Variants in KLHL29 observed in about 807,000 individuals in gnomAD.
KLHL29 encodes kelch like family member 29.
KLHL29 carries 21 observed loss-of-function variants against 80.4 expected under a neutral mutation model. The observed-to-expected ratio is 0.26, with a 90% CI of 0.19 to 0.38. The LOEUF (loss-of-function observed/expected upper bound fraction) is 0.38, where lower values mean the gene tolerates loss of function less well. Ranked by LOEUF, KLHL29 falls within the 10% of genes least tolerant of loss-of-function variation. The pLI is 1.00. For synonymous variants in KLHL29, 511 were observed against 526.8 expected (o/e 0.97, Z 0.41); for missense variants, 867 against 1,223.9 (o/e 0.71, Z 4.35).
At chr2:23,611,036 G>A (rs1032200768) in intron 3 of KLHL29, among the ~76,000 whole-genome samples, 3 of 151,994 alleles carry the variant, frequency 2.0e-5, no homozygotes, top group Non-Finnish European at 4.4e-5. Flanking sequence ...TATGTTAGAT[G>A]GTAATAAGTG....
At chr2:23,705,478 A>T (rs1019260054) in intron 13 of KLHL29, among the ~76,000 whole-genome samples, 3 of 151,774 alleles carry the variant, frequency 2.0e-5, no homozygotes, top group African/African-American at 7.3e-5. Context: ...GTGACAGAGT[A>T]TGACTCCGTC....
intron 3 of KLHL29, among the ~76,000 whole-genome samples, chr2:23,587,262 A>G (rs1668144628): frequency 1.4e-5 from 2 of 138,360 alleles, no homozygotes; most frequent in Admixed American, 7.1e-5. Context: ...TTTTTTGGAC[A>G]TTTTGCTTTT....
In KLHL29 at chr2:23,682,089, A is replaced by G. The variant is rs560436671; in HGVS notation, c.941-2310A>G. Among the ~76,000 whole-genome samples, 5 of 150,656 alleles carry G rather than the reference A, an allele frequency of 3.3e-5. No homozygotes were observed. Among genetic ancestry groups the G allele is most frequent in the African/African-American group, 1.2e-4 (5 of 40,882 alleles). Reference sequence around the variant, plus strand: ...TGTCCCACCACCATCCCCTCCAAAAACCTGTTAGTGGTCTCCATGCCTCCC... The same window carrying G: ...TGTCCCACCACCATCCCCTCCAAAAGCCTGTTAGTGGTCTCCATGCCTCCC... On this transcript the variant is annotated intron_variant, in intron 5 of 13. Coordinates refer to ENST00000486442, the MANE Select transcript of KLHL29 (RefSeq NM_052920.2). This position sits in a 1 kb window ranked among gnomAD's most constrained non-coding sequence, Gnocchi z 4.1.
intron 3 of KLHL29, among the ~76,000 whole-genome samples, chr2:23,627,313 C>T (rs1036356535): frequency 6.6e-6 from 1 of 152,232 alleles, no homozygotes; most frequent in African/African-American, 2.4e-5. Flanking sequence ...AACACCACGC[C>T]CTCAGGATCC....
intron 3 of KLHL29, among the ~76,000 whole-genome samples, chr2:23,626,246 T>TGACAGGAGG (rs1669305934): frequency 6.6e-6 from 1 of 152,202 alleles, no homozygotes; most frequent in South Asian, 2.1e-4. Context: ...GCCACTGATC[T>TGACAGGAGG]GACAGGAGGC....
chr2:23,526,959 C>T (rs1666344779), intron 2 of KLHL29, among the ~76,000 whole-genome samples: 1 of 152,152 alleles, frequency 6.6e-6, no homozygotes, highest in African/African-American at 2.4e-5. Context: ...CGCAGGGTTT[C>T]GTGCTCGGGG....
At chr2:23,638,186 C>A (rs1669670633) in intron 3 of KLHL29, among the ~76,000 whole-genome samples, 1 of 151,036 alleles carries the variant, frequency 6.6e-6, no homozygotes, top group Non-Finnish European at 1.5e-5. Flanking sequence ...ACATTTTGGT[C>A]ATTTCCCTCC....
rs926865389 is a variant in KLHL29, at chr2:23,682,216, G to A, written c.941-2183G>A. 1.3e-4 allele frequency among the ~76,000 whole-genome samples: 20 copies of A among 152,074 alleles called. No homozygotes were observed. The highest frequency in any genetic ancestry group is 8.5e-4 in the Admixed American group (13 of 15,270). ...ATTCCGGCCTTCTCACCTCTCCCTC[G>A]GAAAGACCGTCACCATCAGCAGCAC... is the stretch of plus-strand genomic sequence containing the variant. On this transcript the variant is annotated intron_variant, in intron 5 of 13. Coordinates refer to ENST00000486442, the MANE Select transcript of KLHL29 (RefSeq NM_052920.2). This position sits in a 1 kb window ranked among gnomAD's most constrained non-coding sequence, Gnocchi z 4.1.
intron 3 of KLHL29, among the ~76,000 whole-genome samples, chr2:23,566,514 C>T (rs141374138): frequency 1.4e-4 from 21 of 152,352 alleles, no homozygotes; most frequent in African/African-American, 4.8e-4. Context: ...ATCTGCTCAT[C>T]CACCCAGCTG....
chr2:23,579,497 CATGACTCTTCCCTCCCTCGCCAT>C (rs1460637647), intron 3 of KLHL29, among the ~76,000 whole-genome samples: 1 of 152,162 alleles, frequency 6.6e-6, no homozygotes. Flanking sequence ...GGTGCAGCCA[CATGACTCTTCCCTCCCTCGCCAT>C]CCTCATTACT....
intron 3 of KLHL29, among the ~76,000 whole-genome samples, chr2:23,627,040 G>C (rs768327247): frequency 1.3e-5 from 2 of 152,062 alleles, no homozygotes; most frequent in Non-Finnish European, 2.9e-5. Flanking sequence ...GCCCATCCCC[G>C]CCCCGCTCCT....
chr2:23,466,362 C>T (rs1407605970), intron 1 of KLHL29, among the ~76,000 whole-genome samples: 1 of 152,110 alleles, frequency 6.6e-6, no homozygotes, highest in Admixed American at 6.6e-5. Flanking sequence ...TTTTATCAAC[C>T]TTTAGATGCG....
intron 3 of KLHL29, among the ~76,000 whole-genome samples, chr2:23,592,431 T>C (rs750011735): frequency 6.6e-6 from 1 of 152,202 alleles, no homozygotes; most frequent in African/African-American, 2.4e-5. Flanking sequence ...CTGGGGCAGC[T>C]GCTCGGGAAC....
chr2:23,660,724 C>T (rs1204755106), intron 5 of KLHL29, among the ~76,000 whole-genome samples: 1 of 152,214 alleles, frequency 6.6e-6, no homozygotes, highest in Admixed American at 6.5e-5. Flanking sequence ...CTTCCCAGGT[C>T]AGTAAGAAGG....
chr2:23,528,088 AGAAG>A (rs1404391633), intron 2 of KLHL29, among the ~76,000 whole-genome samples: 1 of 152,254 alleles, frequency 6.6e-6, no homozygotes, highest in African/African-American at 2.4e-5. Context: ...TTTTCTGTAA[AGAAG>A]AAATTAATTT....
At chr2:23,401,940 T>C (rs1439600921) in intron 1 of KLHL29, among the ~76,000 whole-genome samples, 2 of 152,248 alleles carry the variant, frequency 1.3e-5, no homozygotes, top group African/African-American at 4.8e-5. Context: ...GACTTGACCA[T>C]GTGCTCCTGT....
At chr2:23,548,877 G>GC (rs945434907) in intron 2 of KLHL29, among the ~76,000 whole-genome samples, 1 of 152,116 alleles carries the variant, frequency 6.6e-6, no homozygotes, top group Non-Finnish European at 1.5e-5. Context: ...CTCTGTTACA[G>GC]CCCCCCTGCC....
chr2:23,637,362 CTA>C (rs1669642701), intron 3 of KLHL29, among the ~76,000 whole-genome samples: 1 of 152,128 alleles, frequency 6.6e-6, no homozygotes, highest in Non-Finnish European at 1.5e-5. Flanking sequence ...TTCCCTAAGA[CTA>C]TTAGTGAGTG....
chr2:23,439,696 T>C (rs1663454583), intron 1 of KLHL29, among the ~76,000 whole-genome samples: 2 of 151,496 alleles, frequency 1.3e-5, no homozygotes, highest in Admixed American at 1.3e-4. Flanking sequence ...TAATTTCTGT[T>C]CTTTTACATT....
Sources: gnomAD v4.1 joint callset for allele counts (sites outside exome capture counted in the v4.1 genomes callset) on GRCh38, gnomAD v4.1.1 for gene constraint, Gnocchi (gnomAD v3.1) non-coding constraint, MANE v1.5 for transcripts, NCBI Gene and HGNC (gene_info 2026-07-23, HGNC 2026-07-21) for gene names.